DTNBP1: variants seen among roughly 807,000 people sequenced by gnomAD.
DTNBP1 encodes dysbindin.
A neutral mutation model predicts 42.8 loss-of-function variants in DTNBP1; 35 were observed. That is an observed-to-expected ratio of 0.82 (90% CI 0.63 to 1.09). DTNBP1 has a LOEUF of 1.09. Ranked by LOEUF, DTNBP1 falls within the 50% of genes least tolerant of loss-of-function variation. DTNBP1 has a pLI of 0.00. For synonymous variants in DTNBP1, 171 were observed against 162.2 expected, an observed-to-expected ratio of 1.05 and a Z score of -0.41; for missense variants, 457 against 424.2, an observed-to-expected ratio of 1.08 and a Z score of -0.68.
At chr6:15,544,867 T>C (rs1561949045) in intron 7 of DTNBP1, among the ~76,000 whole-genome samples, 1 of 152,228 alleles carries the variant, frequency 6.6e-6, no homozygotes, top group Non-Finnish European at 1.5e-5. Flanking sequence ...CAGAAACAAG[T>C]TTCAGCTTCC....
intron 3 of DTNBP1, among the ~76,000 whole-genome samples, chr6:15,651,048 C>A (rs749197730): frequency 4.6e-5 from 7 of 152,036 alleles, no homozygotes; most frequent in Non-Finnish European, 8.8e-5. Context: ...AATCAATTTT[C>A]TTGTAATAAA....
chr6:15,623,325 GA>G (rs1316547253), intron 5 of DTNBP1, among the ~76,000 whole-genome samples: 1 of 152,134 alleles, frequency 6.6e-6, no homozygotes, highest in Non-Finnish European at 1.5e-5. Context: ...CAAACCAAAA[GA>G]AAAACACAAA....
chr6:15,545,367 T>C (rs1773808657), intron 7 of DTNBP1, among the ~76,000 whole-genome samples: 1 of 152,248 alleles, frequency 6.6e-6, no homozygotes, highest in Non-Finnish European at 1.5e-5. Flanking sequence ...TAAAGTATTA[T>C]AGAACATTAT....
chr6:15,580,932 C>A (rs1297913083), intron 7 of DTNBP1, among the ~76,000 whole-genome samples: 1 of 152,108 alleles, frequency 6.6e-6, no homozygotes, highest in Non-Finnish European at 1.5e-5. Context: ...TGGGTCTAGA[C>A]AAGAATGACC....
intron 7 of DTNBP1, among the ~76,000 whole-genome samples, chr6:15,584,705 C>CTTTTTTTTT (rs147548247): frequency 7.2e-4 from 62 of 86,354 alleles, no homozygotes; most frequent in East Asian, 1.1e-3. Flanking sequence ...ACATGTATTT[C>CTTTTTTTTT]TTTTTTTTTT....
rs758430071 is a variant in DTNBP1 at position 15,615,224 on chromosome 6, T to C, written c.488+43A>G. On this transcript the variant is annotated intron_variant, in intron 6 of 9. Coordinates refer to ENST00000344537, the MANE Select transcript of DTNBP1 (RefSeq NM_032122.5). ...TAGCATGTAAAGTAATATGGAAAAC[T>C]TCGAGACTGGAATGAATACTGTGGC... is the stretch of plus-strand genomic sequence containing the variant. 4.3e-5 allele frequency: 69 copies of C among 1,613,898 alleles called. No individual in the cohort carries two copies. In the Middle Eastern group the frequency reaches 1.3e-3, roughly 31 times the overall value.
chr6:15,654,017 G>C (rs1289509927), intron 1 of DTNBP1, among the ~76,000 whole-genome samples: 1 of 152,144 alleles, frequency 6.6e-6, no homozygotes, highest in Non-Finnish European at 1.5e-5. Context: ...GGGGACTTCT[G>C]ATAAACTGCA....
chr6:15,533,493 G>A, intron 7 of DTNBP1, 98 bp from the exon 8 acceptor site: 1 of 1,583,476 alleles, frequency 6.3e-7, no homozygotes, highest in Non-Finnish European at 8.7e-7. Flanking sequence ...AGTGGATGGA[G>A]TCATGCCGCG....
intron 7 of DTNBP1, among the ~76,000 whole-genome samples, chr6:15,575,863 G>A (rs1016060810): frequency 3.9e-5 from 6 of 152,148 alleles, no homozygotes; most frequent in Non-Finnish European, 8.8e-5. Context: ...GAGGTGAAGA[G>A]CATAAAGAAA....
At chr6:15,609,621 G>A (rs1305263612) in intron 6 of DTNBP1, among the ~76,000 whole-genome samples, 1 of 152,112 alleles carries the variant, frequency 6.6e-6, no homozygotes, top group Non-Finnish European at 1.5e-5. Flanking sequence ...GCCCAGCCTC[G>A]TTTTTAAGTT....
chr6:15,643,503 T>A (rs905423995), intron 3 of DTNBP1, among the ~76,000 whole-genome samples: 1 of 149,642 alleles, frequency 6.7e-6, no homozygotes, highest in African/African-American at 2.5e-5. Flanking sequence ...CAGACTAAGG[T>A]CAACATGAAA....
At chr6:15,590,366 T>G (rs1776247536) in intron 7 of DTNBP1, among the ~76,000 whole-genome samples, 1 of 152,218 alleles carries the variant, frequency 6.6e-6, no homozygotes, top group Non-Finnish European at 1.5e-5. Context: ...TTACTTATAT[T>G]ATGGATAACC....
intron 5 of DTNBP1, among the ~76,000 whole-genome samples, chr6:15,621,554 G>A (rs1034039825): frequency 7.2e-5 from 11 of 152,108 alleles, no homozygotes; most frequent in African/African-American, 2.7e-4. Context: ...TGAATAGGAC[G>A]GCCTCATGCT....
Position 15,553,163 on chromosome 6 carries a change from C to T in DTNBP1, c.512-19768G>A, listed in dbSNP as rs75510020. Among the ~76,000 whole-genome samples the T allele has an allele frequency of 4.4e-3, 672 of 152,102 alleles. 7 individuals are homozygous for T. The highest frequency in any genetic ancestry group is 0.015 in the African/African-American group (618 of 41,478). On this transcript the variant is annotated intron_variant, in intron 7 of 9. Coordinates refer to ENST00000344537, the MANE Select transcript of DTNBP1 (RefSeq NM_032122.5). Reference sequence around the variant, plus strand: ...ATGATTTGTAAAGTCAGGAATACTGCCCTGTTATATTTGCATTTCCTTTGT... The same window carrying T: ...ATGATTTGTAAAGTCAGGAATACTGTCCTGTTATATTTGCATTTCCTTTGT...
chr6:15,629,062 T>TA (rs35634124), intron 4 of DTNBP1, among the ~76,000 whole-genome samples: 3 of 151,912 alleles, frequency 2.0e-5, no homozygotes, highest in Admixed American at 1.3e-4. Context: ...AACTGGTCTT[T>TA]AAAAAAAATC....
At chr6:15,618,931 T>C (rs1238807638) in intron 5 of DTNBP1, among the ~76,000 whole-genome samples, 1 of 152,136 alleles carries the variant, frequency 6.6e-6, no homozygotes, top group Non-Finnish European at 1.5e-5. Context: ...CGCAGCAACA[T>C]GGATAAGCCT....
At chr6:15,573,728 C>G (rs1032937291) in intron 7 of DTNBP1, among the ~76,000 whole-genome samples, 1 of 152,052 alleles carries the variant, frequency 6.6e-6, no homozygotes, top group African/African-American at 2.4e-5. Flanking sequence ...TTTTTTGAGA[C>G]AAGGAGTCTT....
intron 8 of DTNBP1, among the ~76,000 whole-genome samples, chr6:15,532,763 G>A (rs1374627040): frequency 2.9e-5 from 4 of 138,810 alleles, no homozygotes; most frequent in Admixed American, 8.0e-5. Flanking sequence ...GCAGTGGTGC[G>A]ATCTCGGCTC....
intron 7 of DTNBP1, among the ~76,000 whole-genome samples, chr6:15,553,119 A>G (rs1774305752): frequency 6.6e-6 from 1 of 152,178 alleles, no homozygotes. Flanking sequence ...CTGAAAATCA[A>G]GTAAAACAAG....
Sources: allele counts gnomAD v4.1 joint callset (sites outside exome capture counted in the v4.1 genomes callset), GRCh38; gene constraint gnomAD v4.1.1; transcripts MANE v1.5; gene names NCBI Gene and HGNC (gene_info 2026-07-23, HGNC 2026-07-21).